Variants in TRIQK observed in about 807,000 individuals in gnomAD.
The protein encoded by TRIQK is triple QxxK/R motif-containing protein.
In TRIQK, 10 loss-of-function variants were observed where a neutral mutation model predicts 10.8. The observed-to-expected ratio is 0.92, with a 90% CI of 0.57 to 1.57. TRIQK has a LOEUF of 1.57. Among genes scored for constraint, TRIQK ranks in the 40% most tolerant of loss-of-function variants. The pLI, the probability that TRIQK is intolerant of heterozygous loss-of-function variation, is 0.00. For synonymous variants in TRIQK, 33 were observed against 33.7 expected (o/e 0.98, Z 0.07); for missense variants, 107 against 97.7 (o/e 1.09, Z -0.40).
chr8:92,993,695 C>A (rs1462819036), intron 1 of TRIQK, among the ~76,000 whole-genome samples: 1 of 152,138 alleles, frequency 6.6e-6, no homozygotes, highest in East Asian at 1.9e-4. Flanking sequence ...AGTTGATAAA[C>A]TATTATGATG....
intron 4 of TRIQK, among the ~76,000 whole-genome samples, chr8:92,890,906 AT>A (rs1032785063): frequency 2.6e-5 from 4 of 151,946 alleles, no homozygotes; most frequent in Non-Finnish European, 4.4e-5. Context: ...GTCATAAAGA[AT>A]TTTTTTAATG....
chr8:92,895,781 T>A (rs1417631792), intron 3 of TRIQK, among the ~76,000 whole-genome samples: 1 of 152,082 alleles, frequency 6.6e-6, no homozygotes, highest in Admixed American at 6.6e-5. Context: ...TCTAAGCAAA[T>A]TACTGAAGGA....
intron 2 of TRIQK, among the ~76,000 whole-genome samples, chr8:92,943,347 A>T (rs1188589150): frequency 6.6e-6 from 1 of 152,200 alleles, no homozygotes; most frequent in African/African-American, 2.4e-5. Context: ...TGGACCCAGA[A>T]AACACCCTGA....
chr8:92,903,256 T>C (rs1485904655), intron 3 of TRIQK, among the ~76,000 whole-genome samples: 1 of 152,148 alleles, frequency 6.6e-6, no homozygotes, highest in African/African-American at 2.4e-5. Flanking sequence ...TAGTTATTGT[T>C]TATATCATTT....
chr8:92,997,761 G>A (rs868212090), intron 1 of TRIQK, among the ~76,000 whole-genome samples: 2 of 151,964 alleles, frequency 1.3e-5, no homozygotes, highest in African/African-American at 2.4e-5. Context: ...TTAATGAAAA[G>A]GAACAAATGA....
intron 1 of TRIQK, among the ~76,000 whole-genome samples, chr8:93,008,383 C>T (rs1418904389): frequency 6.6e-6 from 1 of 152,006 alleles, no homozygotes; most frequent in African/African-American, 2.4e-5. Flanking sequence ...AGAATTAATG[C>T]CATTAAAATT....
At chr8:92,947,947 A>T (rs1451930470) in intron 2 of TRIQK, among the ~76,000 whole-genome samples, 1 of 152,188 alleles carries the variant, frequency 6.6e-6, no homozygotes, top group African/African-American at 2.4e-5. Context: ...CAATTCCTTG[A>T]ATTACAATGA....
chr8:93,009,997 A>T (rs905315130), intron 1 of TRIQK, among the ~76,000 whole-genome samples: 1 of 152,166 alleles, frequency 6.6e-6, no homozygotes, highest in Admixed American at 6.5e-5. Flanking sequence ...GGACATTATG[A>T]TAGTAAAATT....
chr8:92,999,930 G>A (rs1177658584), intron 1 of TRIQK, among the ~76,000 whole-genome samples: 1 of 151,956 alleles, frequency 6.6e-6, no homozygotes, highest in African/African-American at 2.4e-5. Context: ...CATTATTTCA[G>A]TTGTTAAAAA....
chr8:92,917,051 G>A, intron 2 of TRIQK, 41 bp from the exon 3 acceptor site: 1 of 1,280,964 alleles, frequency 7.8e-7, no homozygotes, highest in South Asian at 1.6e-5. Context: ...TTTTAAAAAG[G>A]AGTGTCTATA....
At chr8:93,009,940 T>TA (rs1010012651) in intron 1 of TRIQK, among the ~76,000 whole-genome samples, 2 of 150,864 alleles carry the variant, frequency 1.3e-5, no homozygotes, top group African/African-American at 2.4e-5. Flanking sequence ...TATTCAGACA[T>TA]AAAAAAATAG....
At chr8:92,999,011 T>C (rs1813182058) in intron 1 of TRIQK, among the ~76,000 whole-genome samples, 1 of 152,090 alleles carries the variant, frequency 6.6e-6, no homozygotes, top group Non-Finnish European at 1.5e-5. Flanking sequence ...AGTTGTAGGG[T>C]CATGAAAGAG....
chr8:92,964,288 T>C (rs1425392077), intron 1 of TRIQK, among the ~76,000 whole-genome samples: 1 of 151,986 alleles, frequency 6.6e-6, no homozygotes, highest in Non-Finnish European at 1.5e-5. Context: ...AATTTCCTTA[T>C]CCCTAAAGAA....
intron 1 of TRIQK, chr8:92,965,729 C>G (rs1812710051): frequency 6.5e-6 from 1 of 152,734 alleles, no homozygotes; most frequent in South Asian, 2.1e-4. Flanking sequence ...CCACGCCCAC[C>G]GAACCCAGCA....
rs138747469 is a variant in TRIQK at position 92,896,446 on chromosome 8, CT to C, written c.62-4373del. ...CAGAGAGCCCTGACTAGGGCAATGC[CT>C]AGTGAAGCCACAGGAGAAAAGCCAC... On this transcript the variant is annotated intron_variant, in intron 3 of 4. Coordinates refer to ENST00000521988, the MANE Select transcript of TRIQK (RefSeq NM_001171797.2). 1.8e-3 allele frequency among the ~76,000 whole-genome samples: 275 copies of C among 152,268 alleles called. 1 individual carries two copies. Among genetic ancestry groups the C allele is most frequent in the African/African-American group, 6.1e-3 (255 of 41,568 alleles).
At chr8:93,015,532 A>G (rs557340287) in intron 1 of TRIQK, among the ~76,000 whole-genome samples, 7 of 151,444 alleles carry the variant, frequency 4.6e-5, no homozygotes, top group African/African-American at 2.4e-5. Context: ...AATGACACAC[A>G]CACACAAACC....
chr8:92,922,284 C>T (rs940996648), intron 2 of TRIQK: 1 of 151,678 alleles, frequency 6.6e-6, no homozygotes, highest in Non-Finnish European at 1.5e-5. Flanking sequence ...ATCCTATTTG[C>T]ATAGTATTTT....
At chr8:92,937,049 T>C (rs1265761911) in intron 2 of TRIQK, among the ~76,000 whole-genome samples, 1 of 151,802 alleles carries the variant, frequency 6.6e-6, no homozygotes, top group Non-Finnish European at 1.5e-5. Context: ...AATCAACTGC[T>C]AGTTATATGA....
chr8:92,970,587 A>T (rs1812864718), upstream of TRIQK, among the ~76,000 whole-genome samples: 1 of 152,088 alleles, frequency 6.6e-6, no homozygotes, highest in South Asian at 2.1e-4. Context: ...TTTCTTGGCC[A>T]CATAGATGTC....
Sources: gnomAD v4.1 joint callset for allele counts (sites outside exome capture counted in the v4.1 genomes callset) on GRCh38, gnomAD v4.1.1 for gene constraint, MANE v1.5 for transcripts, NCBI Gene and HGNC (gene_info 2026-07-23, HGNC 2026-07-21) for gene names.